PYHIN1: variants seen among roughly 807,000 people sequenced by gnomAD.
PYHIN1 encodes pyrin and HIN domain-containing protein 1.
Under a neutral mutation model 43.7 loss-of-function variants are expected in PYHIN1, and 32 were observed. The ratio of observed to expected loss-of-function variants is 0.73; its 90% CI spans 0.55 to 0.98. The LOEUF (loss-of-function observed/expected upper bound fraction) is 0.98, where lower values mean the gene tolerates loss of function less well. Ranked by LOEUF, PYHIN1 falls within the 50% of genes least tolerant of loss-of-function variation. PYHIN1 has a pLI of 0.00. For synonymous variants in PYHIN1, 205 were observed against 203.1 expected (o/e 1.01, Z -0.08); for missense variants, 588 against 589.5 (o/e 1.00, Z 0.03).
At position 158,942,049 on chromosome 1, in the gene PYHIN1, A is replaced by G. The variant is rs765537554; in HGVS notation, c.652A>G (p.Met218Val). ...TTTCCGAGAAGACCCAATAATCGCG[A>G]TGGTACTAAATGCAACAAAAGTATT... is the stretch of plus-strand genomic sequence containing the variant. ...NIFREDPIIA[M>V]VLNATKVFKY... The change falls in exon 5 of 9, where the codon ATG becomes GTG. Residue 218 changes from methionine (M) to valine (V), a missense_variant. Transcript: ENST00000368140. 8 of 1,613,446 alleles carry G rather than the reference A, an allele frequency of 5.0e-6. No homozygotes were observed. The African/African-American group carries it at 8.0e-5, about 16-fold the overall frequency.
rs1648264080 is a variant in PYHIN1 at position 158,933,084 on chromosome 1, G to GA, written c.-21+1310dup. On this transcript the variant is annotated intron_variant, in intron 1 of 8. Transcript: ENST00000368140. This position sits in a 1 kb window ranked among gnomAD's most constrained non-coding sequence, Gnocchi z 6.3. ...ATTTAGTATTGGAAGATATAATATA[G>GA]AACCTCCTATTATAAGACGGTATTT... Among the ~76,000 whole-genome samples, 1 of 151,614 alleles carries GA rather than the reference G, an allele frequency of 6.6e-6. No individual in the cohort carries two copies. Among genetic ancestry groups the GA allele is most frequent in the Admixed American group, 6.6e-5 (1 of 15,216 alleles).
At chr1:158,981,450 G>A (rs956590633), downstream of PYHIN1, among the ~76,000 whole-genome samples, 3 of 152,120 alleles carry the variant, frequency 2.0e-5, no homozygotes, top group South Asian at 2.1e-4. Context: ...CAGCCTGGGG[G>A]ACAAGAGCGA....
intron 7 of PYHIN1, among the ~76,000 whole-genome samples, chr1:158,946,555 A>ATAGATAGAT (rs143806258): frequency 7.8e-6 from 1 of 128,586 alleles, no homozygotes; most frequent in African/African-American, 2.9e-5. Flanking sequence ...GATTAGATAG[A>ATAGATAGAT]TAGATAGATA....
chr1:158,973,994 AT>A (rs1651097480), intron 8 of PYHIN1, among the ~76,000 whole-genome samples: 1 of 152,060 alleles, frequency 6.6e-6, no homozygotes, highest in African/African-American at 2.4e-5. Flanking sequence ...CTTCAGGAAG[AT>A]TACTGTTTTT....
intron 1 of PYHIN1, among the ~76,000 whole-genome samples, chr1:158,932,821 GT>G (rs1421030611): frequency 1.3e-5 from 2 of 152,066 alleles, no homozygotes; most frequent in African/African-American, 4.8e-5. Context: ...AGTTAATGAT[GT>G]TTTATTTTTC....
intron 7 of PYHIN1, 76 bp from the exon 8 acceptor site, chr1:158,973,571 G>A (rs1651068251): frequency 6.7e-7 from 1 of 1,488,844 alleles, no homozygotes; most frequent in Admixed American, 1.7e-5. Context: ...ACTTATATAG[G>A]AAAATATTAA....
At chr1:158,971,994 A>T (rs188551947) in intron 7 of PYHIN1, among the ~76,000 whole-genome samples, 1 of 152,222 alleles carries the variant, frequency 6.6e-6, no homozygotes, top group Non-Finnish European at 1.5e-5. Context: ...TAAAAAATCA[A>T]ACCAGATAGA....
intron 7 of PYHIN1, among the ~76,000 whole-genome samples, chr1:158,964,785 A>T (rs544015495): frequency 2.6e-5 from 4 of 152,314 alleles, no homozygotes; most frequent in African/African-American, 9.6e-5. Flanking sequence ...ACAGAAACAC[A>T]ATTAAGTACA....
intron 1 of PYHIN1, among the ~76,000 whole-genome samples, chr1:158,932,416 C>T (rs1648218792): frequency 6.6e-6 from 1 of 152,096 alleles, no homozygotes; most frequent in Non-Finnish European, 1.5e-5. Flanking sequence ...ACAGTTTACT[C>T]ATTTAACAAG....
At chr1:158,943,673 G>A (rs1017951973) in intron 5 of PYHIN1, 117 bp from the exon 6 acceptor site, 4 of 608,132 alleles carry the variant, frequency 6.6e-6, no homozygotes, top group Non-Finnish European at 1.1e-5. Context: ...ATTGTATGTC[G>A]ATACAGTACT....
rs1056442248 is a variant in PYHIN1 at position 158,943,799 on chromosome 1, A to C, written c.1012A>C (p.Asn338His). The C allele has an allele frequency of 1.3e-6, 2 of 1,594,842 alleles. No individual in the cohort carries two copies. Among genetic ancestry groups the C allele is most frequent in the Non-Finnish European group, 1.7e-6 (2 of 1,167,922 alleles). ...GLFMLHTKIV[N>H]RKTTIYEIQD... The stretch of plus-strand genomic sequence containing the variant: ...TAATTTTTTGTTGCAGAAAATTGTA[A>C]ATAGGAAGACGACAATCTATGAAAT... Residue 338 changes from asparagine to histidine, a missense_variant, in exon 6 of 9, where the codon AAT (asparagine) becomes CAT (histidine). Transcript: ENST00000368140.
intron 3 of PYHIN1, among the ~76,000 whole-genome samples, 153 bp from the exon 4 acceptor site, chr1:158,938,927 A>G (rs372095845): frequency 2.6e-5 from 4 of 152,318 alleles, no homozygotes; most frequent in Admixed American, 2.6e-4. Context: ...AAATGAAACC[A>G]TCTATGCCAT....
intron 7 of PYHIN1, among the ~76,000 whole-genome samples, chr1:158,971,029 G>C (rs1355092806): frequency 6.6e-6 from 1 of 151,960 alleles, no homozygotes; most frequent in Non-Finnish European, 1.5e-5. Flanking sequence ...GTGAGAGAGA[G>C]TAGATATTAA....
Position 158,933,928 on chromosome 1 carries a change from C to T in PYHIN1, c.-21+2152C>T, listed in dbSNP as rs1004296714. Among the ~76,000 whole-genome samples the T allele has an allele frequency of 2.0e-5, 3 of 151,986 alleles. No individual in the cohort carries two copies. The highest frequency in any genetic ancestry group is 7.2e-5 in the African/African-American group (3 of 41,392). ...TTTTTTAATTTTCTATTGAAAAGTA[C>T]TTCCAAAAATGTTTCTGTGTGCATC... is the stretch of plus-strand genomic sequence containing the variant. On this transcript the variant is annotated intron_variant, in intron 1 of 8. Transcript: ENST00000368140. The surrounding 1 kb of genome is among the most constrained non-coding windows in gnomAD (Gnocchi z 6.3).
chr1:158,943,026 T>G (rs1207800016), intron 5 of PYHIN1, among the ~76,000 whole-genome samples: 10 of 152,156 alleles, frequency 6.6e-5, no homozygotes, highest in Admixed American at 5.2e-4. Flanking sequence ...CAGAAAAAAT[T>G]TTCTGATATG....
intron 7 of PYHIN1, among the ~76,000 whole-genome samples, chr1:158,960,536 A>G (rs538862847): frequency 6.6e-6 from 1 of 152,318 alleles, no homozygotes; most frequent in South Asian, 2.1e-4. Context: ...TGGGTGTCCA[A>G]CTACCACCCG....
rs1452402010 is a variant in PYHIN1 at position 158,962,556 on chromosome 1, G to T, written c.1360-11091G>T. On this transcript the variant is annotated intron_variant, in intron 7 of 8. Coordinates refer to ENST00000368140, the MANE Select transcript of PYHIN1 (RefSeq NM_152501.5). The stretch of plus-strand genomic sequence containing the variant: ...CCCCTCCTGAACACTTCAGTGGAAA[G>T]CAGCTTTGCATTTGTCTCAGGAGAA... 3.9e-5 allele frequency among the ~76,000 whole-genome samples: 6 copies of T among 152,196 alleles called. No individual in the cohort carries two copies. In the East Asian group the frequency reaches 1.2e-3, roughly 29 times the overall value.
chr1:158,971,425 GAT>G (rs57225452), intron 7 of PYHIN1, among the ~76,000 whole-genome samples: 5 of 149,846 alleles, frequency 3.3e-5, no homozygotes, highest in Non-Finnish European at 4.5e-5. Context: ...ACATTAACAA[GAT>G]ATATATATAT....
chr1:158,937,999 C>T (rs1218449113), intron 2 of PYHIN1, among the ~76,000 whole-genome samples: 2 of 151,842 alleles, frequency 1.3e-5, no homozygotes, highest in Non-Finnish European at 2.9e-5. Context: ...CCTCACAAAC[C>T]TATTTAACAT....
Sources: gnomAD v4.1 joint callset for allele counts (sites outside exome capture counted in the v4.1 genomes callset) on GRCh38, gnomAD v4.1.1 for gene constraint, Gnocchi (gnomAD v3.1) non-coding constraint, MANE v1.5 for transcripts, NCBI Gene and HGNC (gene_info 2026-07-23, HGNC 2026-07-21) for gene names.